GLRA1: variants seen among roughly 807,000 people sequenced by gnomAD.
GLRA1 encodes glycine receptor subunit alpha-1.
In GLRA1, 37 loss-of-function variants were observed where a neutral mutation model predicts 48.3. The ratio of observed to expected loss-of-function variants is 0.77; its 90% CI spans 0.59 to 1.01. The LOEUF is 1.01. Ranked by LOEUF, GLRA1 falls within the 50% of genes least tolerant of loss-of-function variation. GLRA1 has a pLI of 0.00. For synonymous variants in GLRA1, 196 were observed against 210.7 expected, an observed-to-expected ratio of 0.93 and a Z score of 0.60; for missense variants, 427 against 571.0, an observed-to-expected ratio of 0.75 and a Z score of 2.57.
intron 1 of GLRA1, among the ~76,000 whole-genome samples, chr5:151,902,894 T>C (rs1381867832): frequency 2.0e-5 from 3 of 152,240 alleles, no homozygotes; most frequent in South Asian, 2.1e-4. Context: ...CACCTGACCT[T>C]ACAAACTTCT....
intron 7 of GLRA1, among the ~76,000 whole-genome samples, chr5:151,838,816 A>G (rs1763638675): frequency 6.6e-6 from 1 of 151,968 alleles, no homozygotes; most frequent in Non-Finnish European, 1.5e-5. Flanking sequence ...AGGGAAATCC[A>G]AGTAAGATAA....
chr5:151,894,155 G>A (rs575070832), intron 1 of GLRA1, among the ~76,000 whole-genome samples: 1 of 152,270 alleles, frequency 6.6e-6, no homozygotes, highest in South Asian at 2.1e-4. Context: ...GTGTGCGTGT[G>A]TGTGTGTGTG....
At chr5:151,835,246 G>A (rs542554757) in intron 7 of GLRA1, among the ~76,000 whole-genome samples, 157 of 152,058 alleles carry the variant, frequency 1.0e-3, no homozygotes, top group South Asian at 3.1e-3. Context: ...TCCCGGAAAA[G>A]GTCAATAACA....
chr5:151,873,228 G>A (rs1435715487), intron 3 of GLRA1, among the ~76,000 whole-genome samples: 1 of 149,580 alleles, frequency 6.7e-6, no homozygotes, highest in Non-Finnish European at 1.5e-5. Context: ...GGATTTTAGG[G>A]CCTAGAGAAG....
chr5:151,883,236 TG>T (rs1394819255), intron 3 of GLRA1, among the ~76,000 whole-genome samples: 1 of 152,198 alleles, frequency 6.6e-6, no homozygotes, highest in East Asian at 1.9e-4. Context: ...CCATCTCCTC[TG>T]GGGTCCTTTG....
intron 2 of GLRA1, among the ~76,000 whole-genome samples, chr5:151,891,208 C>T (rs1238866231): frequency 6.6e-6 from 1 of 152,112 alleles, no homozygotes; most frequent in Non-Finnish European, 1.5e-5. Context: ...GCATAGGCTC[C>T]GAAGGAGGTC....
chr5:151,873,238 G>A (rs1319393048), intron 3 of GLRA1, among the ~76,000 whole-genome samples: 1 of 149,600 alleles, frequency 6.7e-6, no homozygotes, highest in Admixed American at 6.6e-5. Flanking sequence ...GCCTAGAGAA[G>A]GTTTTCCAAG....
At chr5:151,881,885 T>C (rs566837585) in intron 3 of GLRA1, among the ~76,000 whole-genome samples, 22 of 152,164 alleles carry the variant, frequency 1.4e-4, no homozygotes, top group Non-Finnish European at 3.2e-4. Flanking sequence ...TGCTATGCAC[T>C]CCTGCTTTTT....
At chr5:151,879,208 A>G (rs190800255) in intron 3 of GLRA1, among the ~76,000 whole-genome samples, 1 of 152,304 alleles carries the variant, frequency 6.6e-6, no homozygotes, top group East Asian at 1.9e-4. Context: ...TGACTGTCCT[A>G]CTGGATTTCA....
chr5:151,911,257 A>C (rs938884142), intron 1 of GLRA1, among the ~76,000 whole-genome samples: 7 of 152,190 alleles, frequency 4.6e-5, no homozygotes, highest in Non-Finnish European at 1.0e-4. Context: ...ATCCTGAGTC[A>C]TGTGAAATGT....
intron 3 of GLRA1, among the ~76,000 whole-genome samples, chr5:151,877,426 A>G (rs1753653311): frequency 1.3e-5 from 2 of 152,238 alleles, no homozygotes; most frequent in Admixed American, 1.3e-4. Context: ...CACATGTAAG[A>G]CATTAATTAA....
chr5:151,835,240 G>A (rs532211007), intron 7 of GLRA1, among the ~76,000 whole-genome samples: 10 of 152,050 alleles, frequency 6.6e-5, no homozygotes, highest in South Asian at 4.2e-4. Context: ...GTTGAATCCC[G>A]GAAAAGGTCA....
chr5:151,912,859 A>G (rs1349003147), intron 1 of GLRA1, among the ~76,000 whole-genome samples: 4 of 152,186 alleles, frequency 2.6e-5, no homozygotes, highest in Non-Finnish European at 5.9e-5. Context: ...ATGCATCAAG[A>G]AATTCATTAA....
chr5:151,901,798 A>C (rs1156925144), intron 1 of GLRA1, among the ~76,000 whole-genome samples: 4 of 152,176 alleles, frequency 2.6e-5, no homozygotes, highest in Non-Finnish European at 4.4e-5. Flanking sequence ...TACATATTTC[A>C]CTGGATTTAA....
intron 7 of GLRA1, among the ~76,000 whole-genome samples, chr5:151,840,130 G>C (rs994587480): frequency 6.8e-6 from 1 of 146,956 alleles, no homozygotes; most frequent in Non-Finnish European, 1.5e-5. Context: ...GTCTTGCTTT[G>C]TCACCCAGGC....
At position 151,847,246 on chromosome 5, in the gene GLRA1, G is replaced by A. The variant is rs145761740; in HGVS notation, c.912+4144C>T. On this transcript the variant is annotated intron_variant, in intron 7 of 8. Transcript: ENST00000274576. ...AGCAGAATATTGTGTCTATTGTTGA[G>A]TGAATAGAGCAGAATGTGACTCAAA... 7.2e-5 allele frequency among the ~76,000 whole-genome samples: 11 copies of A among 152,340 alleles called. No homozygotes were observed. The East Asian group carries it at 1.9e-3, about 27-fold the overall frequency.
intron 1 of GLRA1, among the ~76,000 whole-genome samples, chr5:151,897,214 C>A (rs935990652): frequency 6.6e-6 from 1 of 152,112 alleles, no homozygotes; most frequent in African/African-American, 2.4e-5. Flanking sequence ...TTAGACAGTA[C>A]AATTTGCACA....
intron 7 of GLRA1, 139 bp from the exon 8 acceptor site, chr5:151,829,206 G>A: frequency 1.3e-6 from 1 of 774,662 alleles, no homozygotes; most frequent in South Asian, 1.6e-5. Context: ...ATATTAGGGT[G>A]GAGGTATAGA....
At chr5:151,893,283 A>ACTTTCTTTCTTTCTTTCTTTCTTT (rs56371578) in intron 1 of GLRA1, among the ~76,000 whole-genome samples, 3 of 76,178 alleles carry the variant, frequency 3.9e-5, no homozygotes, top group Admixed American at 1.4e-4. Flanking sequence ...CCTCTGCCCA[A>ACTTTCTTTCTTTCTTTCTTTCTTT]CTTTCTTTCT....
Sources: gnomAD v4.1 joint callset for allele counts (sites outside exome capture counted in the v4.1 genomes callset) on GRCh38, gnomAD v4.1.1 for gene constraint, MANE v1.5 for transcripts, NCBI Gene and HGNC (gene_info 2026-07-23, HGNC 2026-07-21) for gene names.